Variants in GNAL observed in about 807,000 individuals in gnomAD.
The protein encoded by GNAL is G protein subunit alpha L, also known as guanine nucleotide-binding protein G(olf) subunit alpha.
Under a neutral mutation model 55.1 loss-of-function variants are expected in GNAL, and 18 were observed. That is an observed-to-expected ratio of 0.33 (90% confidence interval 0.23 to 0.48). The LOEUF is 0.48. GNAL is among the 20% of genes least tolerant of loss of function. The pLI, the probability that GNAL is intolerant of heterozygous loss-of-function variation, is 0.99. For synonymous variants in GNAL, 253 were observed against 237.0 expected, an observed-to-expected ratio of 1.07 and a Z score of -0.62; for missense variants, 412 against 614.1, an observed-to-expected ratio of 0.67 and a Z score of 3.48.
Position 11,868,478 on chromosome 18 carries a change from T to A in GNAL, c.911-65T>A, listed in dbSNP as rs1049725588. 5.8e-6 allele frequency: 8 copies of A among 1,382,932 alleles called. No individual in the cohort carries two copies. In the African/African-American group the frequency reaches 1.1e-4, roughly 20 times the overall value. The allele number at this position is 1,382,932 out of a possible 1,614,324, so 85.7% of individuals were successfully genotyped here. Reference sequence around the variant, plus strand: ...TGGAACTGAGTAGCTGCTGGGTGTGTACTTTCTTGTAACTCCACAGTGAGG... The same window carrying A: ...TGGAACTGAGTAGCTGCTGGGTGTGAACTTTCTTGTAACTCCACAGTGAGG... On this transcript the variant is annotated intron_variant, in intron 8 of 11. Transcript: ENST00000334049. This position sits in a 1 kb window ranked among gnomAD's most constrained non-coding sequence, Gnocchi z 4.0.
chr18:11,787,882 A>C (rs904426467), intron 4 of GNAL, among the ~76,000 whole-genome samples: 1 of 151,952 alleles, frequency 6.6e-6, no homozygotes, highest in Non-Finnish European at 1.5e-5. Context: ...TCAAAAAAAA[A>C]AAAAAGGAAA....
chr18:11,746,823 G>A (rs1390875628), intron 1 of GNAL: 3 of 500,704 alleles, frequency 6.0e-6, no homozygotes, highest in South Asian at 3.0e-5. Context: ...GTTGCTGGAC[G>A]AGTGGCAGAT....
chr18:11,725,562 C>G (rs2032193975), intron 1 of GNAL, among the ~76,000 whole-genome samples: 1 of 152,190 alleles, frequency 6.6e-6, no homozygotes, highest in Admixed American at 6.5e-5. Context: ...TAGTATGTAG[C>G]CTTTTCAGAC....
At chr18:11,847,402 T>TA (rs1354330858) in intron 5 of GNAL, among the ~76,000 whole-genome samples, 1 of 151,770 alleles carries the variant, frequency 6.6e-6, no homozygotes, top group African/African-American at 2.4e-5. Flanking sequence ...TATTTTCTTT[T>TA]TTTTTTTTTT....
chr18:11,804,786 G>A lies in GNAL; in HGVS notation c.625-20132G>A, dbSNP rs560736848. Reference sequence around the variant, plus strand: ...TACAGGTGCAGTTTGAGTGGAACACGGAGATACTGTGTAGTGGTGAAGTAC... The same window carrying A: ...TACAGGTGCAGTTTGAGTGGAACACAGAGATACTGTGTAGTGGTGAAGTAC... On this transcript the variant is annotated intron_variant, in intron 4 of 11. Coordinates refer to ENST00000334049, the MANE Select transcript of GNAL (RefSeq NM_182978.4). Among the ~76,000 whole-genome samples the A allele has an allele frequency of 5.0e-4, 65 of 129,816 alleles. 1 individual carries two copies. Among genetic ancestry groups the A allele is most frequent in the Non-Finnish European group, 8.5e-4 (54 of 63,528 alleles). The allele number at this position is 129,816 out of a possible 152,430, so 85.2% of individuals were successfully genotyped here.
intron 4 of GNAL, among the ~76,000 whole-genome samples, chr18:11,773,244 A>G (rs1488128154): frequency 6.6e-6 from 1 of 152,216 alleles, no homozygotes; most frequent in Non-Finnish European, 1.5e-5. Context: ...TTTTGTGGCT[A>G]AGCACATAAC....
intron 4 of GNAL, among the ~76,000 whole-genome samples, chr18:11,766,388 A>T (rs1419343458): frequency 6.6e-6 from 1 of 152,138 alleles, no homozygotes; most frequent in Non-Finnish European, 1.5e-5. Context: ...TTGTGTTTGT[A>T]TTTGTTTGGA....
At chr18:11,735,770 AAGAG>A (rs67564417) in intron 1 of GNAL, among the ~76,000 whole-genome samples, 11,115 of 150,252 alleles carry the variant, frequency 0.074, 756 homozygotes, top group African/African-American at 0.18. Flanking sequence ...AAAAAAAAGA[AAGAG>A]AGAAAGAAAG....
chr18:11,827,577 C>T (rs976665858), intron 5 of GNAL, among the ~76,000 whole-genome samples: 9 of 152,118 alleles, frequency 5.9e-5, no homozygotes, highest in Non-Finnish European at 1.2e-4. Context: ...TGTACACCTG[C>T]ACTCCAGCCT....
rs188703158 is a variant in GNAL at position 11,823,100 on chromosome 18, C to G, written c.625-1818C>G. The stretch of plus-strand genomic sequence containing the variant: ...CACCATGAGGCAGCGATGTCACTCT[C>G]TTCATGGCCAACTTGATAACGGCAT... On this transcript the variant is annotated intron_variant, in intron 4 of 11. Transcript: ENST00000334049. Among the ~76,000 whole-genome samples the G allele has an allele frequency of 2.1e-3, 322 of 152,230 alleles. 6 individuals carry two copies. The highest frequency in any genetic ancestry group is 0.019 in the Admixed American group (297 of 15,292).
intron 5 of GNAL, among the ~76,000 whole-genome samples, chr18:11,826,426 A>G (rs2035249008): frequency 6.6e-6 from 1 of 152,042 alleles, no homozygotes; most frequent in Admixed American, 6.5e-5. Flanking sequence ...GAGTGCTCAT[A>G]AAGAAGTGAG....
rs575846123 is a variant in GNAL at position 11,742,116 on chromosome 18, A to G, written c.377-10737A>G. 7.2e-5 allele frequency among the ~76,000 whole-genome samples: 11 copies of G among 152,248 alleles called. No homozygotes were observed. The East Asian group carries it at 1.9e-3, about 27-fold the overall frequency. ...TTACCCATTCGCCCATCACATGTGC[A>G]TTTTTGTACAGTTCCTAGTATGCTT... On this transcript the variant is annotated intron_variant, in intron 1 of 11. Coordinates refer to ENST00000334049, the MANE Select transcript of GNAL (RefSeq NM_182978.4).
chr18:11,753,741 C>G, intron 3 of GNAL, 59 bp downstream of exon 3: 5 of 1,468,828 alleles, frequency 3.4e-6, no homozygotes, highest in Non-Finnish European at 4.8e-6. Flanking sequence ...CATTCTAAAA[C>G]TGTGTAGACA....
intron 4 of GNAL, among the ~76,000 whole-genome samples, chr18:11,824,611 C>A (rs2035190662): frequency 1.3e-5 from 2 of 151,984 alleles, no homozygotes; most frequent in South Asian, 4.2e-4. Context: ...TCGCTTGAAC[C>A]TGGGAGGCGG....
intron 4 of GNAL, among the ~76,000 whole-genome samples, chr18:11,768,573 C>T (rs1355461783): frequency 1.3e-5 from 2 of 151,684 alleles, no homozygotes; most frequent in Non-Finnish European, 1.5e-5. Context: ...TGCACTCCAG[C>T]CTGGGCAACA....
intron 1 of GNAL, among the ~76,000 whole-genome samples, chr18:11,730,098 A>G (rs1336612518): frequency 1.3e-5 from 2 of 149,998 alleles, no homozygotes; most frequent in Admixed American, 6.6e-5. Flanking sequence ...CAGTGGCGCT[A>G]TCTCGGCTCA....
At position 11,752,143 on chromosome 18, in the gene GNAL, C is replaced by G. The variant is rs558403889; in HGVS notation, c.377-710C>G. ...CAGCGGAGACCGGCGCCCTCGCCCC[C>G]CGTCTCCGTTCATTGTGCTGTATTC... On this transcript the variant is annotated intron_variant, in intron 1 of 11. Coordinates refer to ENST00000334049, the MANE Select transcript of GNAL (RefSeq NM_182978.4). The surrounding 1 kb of genome is among the most constrained non-coding windows in gnomAD (Gnocchi z 4.5). 32 of 249,060 alleles carry G rather than the reference C, an allele frequency of 1.3e-4. No individual in the cohort carries two copies. The highest frequency in any genetic ancestry group is 6.6e-4 in the African/African-American group (29 of 44,076). The allele number at this position is 249,060 out of a possible 1,614,324, so 15.4% of individuals were successfully genotyped here.
At chr18:11,717,213 G>A (rs1043405252) in intron 1 of GNAL, among the ~76,000 whole-genome samples, 1 of 152,256 alleles carries the variant, frequency 6.6e-6, no homozygotes. Context: ...CCAGTGCGGG[G>A]TCCGCGGAGC....
In GNAL at chr18:11,879,701, C is replaced by T. The variant is rs1299174395; in HGVS notation, c.1231-1288C>T. On this transcript the variant is annotated intron_variant, in intron 11 of 11. Transcript: ENST00000334049. ...GGGAACACAATTTGGCCCTAACAGC[C>T]TGTCCCCACACCCACTGCACTTAGC... 4.6e-5 allele frequency among the ~76,000 whole-genome samples: 7 copies of T among 152,348 alleles called. No individual in the cohort carries two copies. In the East Asian group the frequency reaches 1.4e-3, roughly 29 times the overall value.
Sources: gnomAD v4.1 joint callset for allele counts (sites outside exome capture counted in the v4.1 genomes callset) on GRCh38, gnomAD v4.1.1 for gene constraint, Gnocchi (gnomAD v3.1) non-coding constraint, MANE v1.5 for transcripts, NCBI Gene and HGNC (gene_info 2026-07-23, HGNC 2026-07-21) for gene names.